ARHGEF10: variants seen among roughly 807,000 people sequenced by gnomAD.
ARHGEF10 encodes Rho guanine nucleotide exchange factor 10.
ARHGEF10 carries 140 observed loss-of-function variants against 147.4 expected under a neutral mutation model. The observed-to-expected ratio is 0.95, with a 90% CI of 0.83 to 1.09. The LOEUF is 1.09. ARHGEF10 is among the 50% of genes least tolerant of loss of function. The probability of loss-of-function intolerance (pLI) is 0.00; values close to 1 mark genes in which losing one functional copy is unlikely to be tolerated. For synonymous variants in ARHGEF10, 902 were observed against 695.8 expected, an observed-to-expected ratio of 1.30 and a Z score of -4.67; for missense variants, 2,222 against 1,752.7, an observed-to-expected ratio of 1.27 and a Z score of -4.78.
At chr8:1,869,478 C>T (rs749791374) in intron 7 of ARHGEF10, 6 of 650,148 alleles carry the variant, frequency 9.2e-6, no homozygotes, top group South Asian at 4.7e-5. Flanking sequence ...TTATCCCAAG[C>T]AAACAGAGGA....
At chr8:1,863,658 C>A (rs973637972) in intron 4 of ARHGEF10, among the ~76,000 whole-genome samples, 1 of 152,032 alleles carries the variant, frequency 6.6e-6, no homozygotes, top group Non-Finnish European at 1.5e-5. Context: ...AGGAGCCCTC[C>A]GAGGTGGGAG....
intron 25 of ARHGEF10, 69 bp downstream of exon 25, chr8:1,929,512 G>GCCTCCCCA: frequency 6.6e-7 from 1 of 1,519,280 alleles, no homozygotes. Flanking sequence ...ATCCGGTTTA[G>GCCTCCCCA]CCTCCCCACC....
intron 25 of ARHGEF10, 144 bp from the exon 26 acceptor site, chr8:1,933,656 C>A: frequency 9.0e-7 from 1 of 1,114,604 alleles, no homozygotes; most frequent in South Asian, 1.4e-5. Context: ...TGTCGATCCC[C>A]AGACACAGCC....
intron 18 of ARHGEF10, among the ~76,000 whole-genome samples, chr8:1,920,935 C>T (rs1352431678): frequency 6.6e-6 from 1 of 152,078 alleles, no homozygotes; most frequent in Non-Finnish European, 1.5e-5. Flanking sequence ...TTACAGCATG[C>T]ACCATCATGC....
intron 1 of ARHGEF10, among the ~76,000 whole-genome samples, chr8:1,826,467 A>G (rs1392028405): frequency 6.6e-6 from 1 of 151,688 alleles, no homozygotes; most frequent in Non-Finnish European, 1.5e-5. Context: ...TTGTAGATAG[A>G]GGCGTTGGGT....
intron 4 of ARHGEF10, among the ~76,000 whole-genome samples, chr8:1,862,678 A>T (rs1806230758): frequency 1.3e-5 from 2 of 151,880 alleles, no homozygotes; most frequent in Admixed American, 1.3e-4. Context: ...GTGCAGCGAG[A>T]TTGCTGCTGG....
chr8:1,880,127 T>G lies in ARHGEF10; in HGVS notation c.923T>G (p.Val308Gly). Residue 308 changes from valine to glycine, a missense_variant, in exon 9 of 29, where the codon GTG becomes GGG. Physicochemically the swap from Val to Gly is moderately radical, Grantham distance 109. Coordinates refer to ENST00000349830, the MANE Select transcript of ARHGEF10 (RefSeq NM_014629.4). The part of the protein sequence containing the change: ...RDLMASTVGV[V>G]EIQQLRQKHE... ...TTGATGGCAAGCACGGTGGGCGTGGTGGAGATTCAGCAGCTCAGGCAGAAG... is the reference window on the plus strand; with the variant it reads ...TTGATGGCAAGCACGGTGGGCGTGGGGGAGATTCAGCAGCTCAGGCAGAAG... 1 of 1,614,056 alleles carries G rather than the reference T, an allele frequency of 6.2e-7. No individual in the cohort carries two copies. The highest frequency in any genetic ancestry group is 8.5e-7 in the Non-Finnish European group (1 of 1,179,968).
At position 1,928,452 on chromosome 8, in the gene ARHGEF10, G is replaced by A. The variant is rs777169340; in HGVS notation, c.2723G>A (p.Gly908Asp). 2 of 1,614,158 alleles carry A rather than the reference G, an allele frequency of 1.2e-6. No individual in the cohort carries two copies. The highest frequency in any genetic ancestry group is 1.3e-5 in the African/African-American group (1 of 75,024). Residue 908 changes from glycine to aspartate, a missense_variant, in exon 24 of 29, where the codon GGT becomes GAT. Gly to Asp is a moderately conservative substitution (Grantham distance 94). Transcript: ENST00000349830. Reference sequence around the variant, plus strand: ...ATCGGAAGTTGCACCCATCAAATGGGTCAGATTGCCATCGTCTCGTTTCAA... The same window carrying A: ...ATCGGAAGTTGCACCCATCAAATGGATCAGATTGCCATCGTCTCGTTTCAA... Reference protein sequence around the residue: ...LWIGSCTHQMGQIAIVSFQNS... With the variant: ...LWIGSCTHQMDQIAIVSFQNS...
intron 2 of ARHGEF10, 47 bp from the exon 3 acceptor site, chr8:1,857,913 T>TCTAG (rs1467428340): frequency 8.6e-6 from 12 of 1,400,150 alleles, no homozygotes; most frequent in Non-Finnish European, 1.1e-5. Context: ...TATCTATCTA[T>TCTAG]CTATCTATCT....
chr8:1,911,695 A>G (rs890226738), intron 18 of ARHGEF10, among the ~76,000 whole-genome samples: 7 of 152,136 alleles, frequency 4.6e-5, no homozygotes, highest in Non-Finnish European at 2.9e-5. Flanking sequence ...GAGTGGGTCT[A>G]TGTGGTATCA....
intron 2 of ARHGEF10, among the ~76,000 whole-genome samples, 198 bp from the exon 3 acceptor site, chr8:1,857,762 A>G (rs1020943223): frequency 1.3e-5 from 2 of 151,980 alleles, no homozygotes; most frequent in South Asian, 4.2e-4. Context: ...AAAAGAAAAT[A>G]AAAACCAGTG....
At chr8:1,846,584 C>A (rs551088822) in intron 2 of ARHGEF10, among the ~76,000 whole-genome samples, 5 of 148,572 alleles carry the variant, frequency 3.4e-5, no homozygotes, top group Non-Finnish European at 7.5e-5. Flanking sequence ...AAATTTTTAA[C>A]TTTTTTTTTT....
At chr8:1,829,042 G>C (rs932825747) in intron 1 of ARHGEF10, among the ~76,000 whole-genome samples, 5 of 152,222 alleles carry the variant, frequency 3.3e-5, no homozygotes, top group Admixed American at 1.3e-4. Context: ...GGGAGTCCTC[G>C]AGCTTTGGAG....
In ARHGEF10 at chr8:1,888,093, G is replaced by C. The variant is rs546382559; in HGVS notation, c.1182+2386G>C. On this transcript the variant is annotated intron_variant, in intron 11 of 28. Transcript: ENST00000349830. ...GGGTTTATGAGGAGACACTAGGTAG[G>C]GTGAATGTTTTGAGGAGACACTTAG... Among the ~76,000 whole-genome samples the C allele has an allele frequency of 4.1e-4, 59 of 144,106 alleles. 6 individuals carry two copies. Among genetic ancestry groups the C allele is most frequent in the Admixed American group, 7.4e-4 (11 of 14,828 alleles). The allele number at this position is 144,106 out of a possible 152,430, so 94.5% of individuals were successfully genotyped here.
At chr8:1,833,493 C>T (rs1045126600) in intron 1 of ARHGEF10, among the ~76,000 whole-genome samples, 9 of 152,236 alleles carry the variant, frequency 5.9e-5, no homozygotes, top group East Asian at 1.9e-4. Flanking sequence ...GGCTACAGCC[C>T]GGGGCCTTCA....
chr8:1,845,348 C>G (rs1804474476), intron 2 of ARHGEF10, among the ~76,000 whole-genome samples: 1 of 152,214 alleles, frequency 6.6e-6, no homozygotes. Context: ...GAGTGGTTGT[C>G]TTGGATAGTT....
rs571390022 is a variant in ARHGEF10 at position 1,863,695 on chromosome 8, C to G, written c.482-678C>G. Among the ~76,000 whole-genome samples, 7 of 152,230 alleles carry G rather than the reference C, an allele frequency of 4.6e-5. No individual in the cohort carries two copies. In the East Asian group the frequency reaches 1.2e-3, roughly 25 times the overall value. On this transcript the variant is annotated intron_variant, in intron 4 of 28. Transcript: ENST00000349830. The stretch of plus-strand genomic sequence containing the variant: ...GTCTGCTTCTTCTGCACTGGCGTCT[C>G]AGGCTGTCCTTGGATGGTCTAAGTT...
chr8:1,903,237 A>G (rs183960650), intron 15 of ARHGEF10, 44 bp from the exon 16 acceptor site: 7 of 1,610,542 alleles, frequency 4.3e-6, no homozygotes, highest in Non-Finnish European at 5.9e-6. Context: ...TTGCACTGGG[A>G]GTGTCCACGT....
In ARHGEF10 at chr8:1,898,413, C is replaced by G; in HGVS notation, c.1558-20C>G. 1 of 1,612,406 alleles carries G rather than the reference C, an allele frequency of 6.2e-7. No individual in the cohort carries two copies. ...CATGGCAGCCCTGCAGGGAGGTGAC[C>G]CCGGTGCCTTCCCCCACAGCAGGAA... is the stretch of plus-strand genomic sequence containing the variant. On this transcript the variant is annotated intron_variant, in intron 14 of 28. Coordinates refer to ENST00000349830, the MANE Select transcript of ARHGEF10 (RefSeq NM_014629.4).
Sources: gnomAD v4.1 joint callset for allele counts (sites outside exome capture counted in the v4.1 genomes callset) on GRCh38, gnomAD v4.1.1 for gene constraint, MANE v1.5 for transcripts, NCBI Gene and HGNC (gene_info 2026-07-23, HGNC 2026-07-21) for gene names.